The following MIDEAS variants were observed in gnomAD, a reference collection of about 807,000 sequenced individuals.
The protein encoded by MIDEAS is mitotic deacetylase associated SANT domain protein.
Under a neutral mutation model 102.7 loss-of-function variants are expected in MIDEAS, and 26 were observed. The observed-to-expected ratio is 0.25, with a 90% CI of 0.19 to 0.35. The LOEUF (loss-of-function observed/expected upper bound fraction) is 0.35. Among genes scored for constraint, MIDEAS ranks in the 10% least tolerant of loss-of-function variants. MIDEAS has a pLI of 1.00. For missense variants in MIDEAS, 1,231 were observed against 1,435.6 expected (o/e 0.86, Z 2.30); for synonymous variants, 585 against 591.0 (o/e 0.99, Z 0.15).
intron 10 of MIDEAS, 156 bp downstream of exon 10, chr14:73,722,542 C>G (rs964342952): frequency 4.2e-5 from 32 of 753,966 alleles, no homozygotes; most frequent in Non-Finnish European, 6.6e-5. Flanking sequence ...GAGAGGAGAA[C>G]CCAGCGGTCC....
At chr14:73,764,949 C>T (rs370815954), upstream of MIDEAS, among the ~76,000 whole-genome samples, 7 of 152,220 alleles carry the variant, frequency 4.6e-5, no homozygotes, top group Non-Finnish European at 5.9e-5. Context: ...CTGGGAGAGA[C>T]GTCTGGCCGG....
chr14:73,718,150 T>TCCCCCAACG lies in MIDEAS; in HGVS notation c.*684_*692dup, dbSNP rs2052921736. On this transcript the variant is annotated 3_prime_UTR_variant, in exon 13 of 13. Coordinates refer to ENST00000423556, the MANE Select transcript of MIDEAS (RefSeq NM_001367710.1). ...TGCTTTGGACAAGAACGCTAGCCCC[T>TCCCCCAACG]CCCCCAACGCTGAGAAAACTTTCTA... is the stretch of plus-strand genomic sequence containing the variant. The TCCCCCAACG allele has an allele frequency of 6.6e-6, 1 of 152,234 alleles. No individual in the cohort carries two copies. Among genetic ancestry groups the TCCCCCAACG allele is most frequent in the Non-Finnish European group, 1.5e-5 (1 of 68,248 alleles). 9.4% of individuals were successfully genotyped at this position (152,234 alleles called of 1,614,324 possible).
In MIDEAS at chr14:73,742,527, CAG is replaced by C. The variant is rs2053295683; in HGVS notation, c.-247-2274_-247-2273del. ...AGGGGCTTACCCACAGCTGTATGGTCAGCCCTGGAGGAGCTGAGCTCAGCTGG... is the reference window on the plus strand; with the variant it reads ...AGGGGCTTACCCACAGCTGTATGGTCCCCTGGAGGAGCTGAGCTCAGCTGG... On this transcript the variant is annotated intron_variant, in intron 1 of 12. Transcript: ENST00000423556. This position sits in a 1 kb window ranked among gnomAD's most constrained non-coding sequence, Gnocchi z 4.4. Among the ~76,000 whole-genome samples the C allele has an allele frequency of 6.6e-6, 1 of 152,236 alleles. No individual in the cohort carries two copies. The highest frequency in any genetic ancestry group is 2.4e-5 in the African/African-American group (1 of 41,466).
At chr14:73,730,730 G>GA (rs2053127802) in intron 3 of MIDEAS, among the ~76,000 whole-genome samples, 1 of 151,554 alleles carries the variant, frequency 6.6e-6, no homozygotes, top group Non-Finnish European at 1.5e-5. Flanking sequence ...AGGTGGGGGG[G>GA]AGGGGATCAC....
At chr14:73,763,617 G>A (rs1036755155), upstream of MIDEAS, among the ~76,000 whole-genome samples, 2 of 152,154 alleles carry the variant, frequency 1.3e-5, no homozygotes, top group Non-Finnish European at 2.9e-5. Context: ...ACCAGAGCCT[G>A]GGGAACTGGG....
intron 11 of MIDEAS, 21 bp from the exon 12 acceptor site, chr14:73,719,522 A>G: frequency 1.9e-6 from 3 of 1,609,492 alleles, no homozygotes; most frequent in Non-Finnish European, 2.5e-6. Flanking sequence ...TCAAACAAGG[A>G]GAGTTGAGTG....
At position 73,759,680 on chromosome 14, in the gene MIDEAS, C is replaced by G. The variant is rs927424311; in HGVS notation, c.-248+83G>C. On this transcript the variant is annotated intron_variant, in intron 1 of 12. Coordinates refer to ENST00000423556, the MANE Select transcript of MIDEAS (RefSeq NM_001367710.1). This position sits in a 1 kb window ranked among gnomAD's most constrained non-coding sequence, Gnocchi z 6.7. ...GAGCTGCAACCCGCCGTGCGAGCAG[C>G]CACAGCTCGCGCGCCGCCTGGGGTC... The G allele has an allele frequency of 2.1e-4, 31 of 150,960 alleles. No individual in the cohort carries two copies. The highest frequency in any genetic ancestry group is 7.5e-4 in the African/African-American group (31 of 41,262). The allele number at this position is 150,960 out of a possible 1,614,324, so 9.4% of individuals were successfully genotyped here. A position where few individuals can be genotyped will look rare whatever the true frequency, so the allele number is the denominator to read the frequency against.
intron 1 of MIDEAS, among the ~76,000 whole-genome samples, chr14:73,752,647 G>A (rs17091106): frequency 0.029 from 4,442 of 152,202 alleles, 91 homozygotes; most frequent in African/African-American, 0.06. Context: ...CTGCAAACTG[G>A]GCACAGACAG....
intron 1 of MIDEAS, among the ~76,000 whole-genome samples, chr14:73,750,389 G>A (rs1180013167): frequency 6.6e-6 from 1 of 152,166 alleles, no homozygotes; most frequent in Non-Finnish European, 1.5e-5. Context: ...TCTTCCCTGG[G>A]GGCATTTCCA....
In MIDEAS at chr14:73,739,070, G is replaced by A. The variant is rs759620057; in HGVS notation, c.939C>T (p.Pro313=). 3.8e-6 allele frequency: 6 copies of A among 1,573,524 alleles called. No homozygotes were observed. The highest frequency in any genetic ancestry group is 5.2e-6 in the Non-Finnish European group (6 of 1,156,888). Residue 313 remains proline, a synonymous_variant, in exon 2 of 13, where the codon CCC becomes CCT. Coordinates refer to ENST00000423556, the MANE Select transcript of MIDEAS (RefSeq NM_001367710.1). The part of the protein sequence containing the change: ...HHSMAPYPFP[P]NPDMNPELRK... ...GCAGTTCTGGGTTCATATCTGGGTT[G>A]GGGGGGAAGGGGTAGGGTGCCATGC... is the stretch of plus-strand genomic sequence containing the variant.
chr14:73,754,241 C>A (rs2053454924), intron 1 of MIDEAS, among the ~76,000 whole-genome samples: 1 of 152,266 alleles, frequency 6.6e-6, no homozygotes, highest in African/African-American at 2.4e-5. Flanking sequence ...AACTAGCAGC[C>A]ACCATGCAGA....
At chr14:73,752,281 C>A in intron 1 of MIDEAS, among the ~76,000 whole-genome samples, 1 of 152,142 alleles carries the variant, frequency 6.6e-6, no homozygotes, top group Non-Finnish European at 1.5e-5. Context: ...ACTACCTGAG[C>A]AGAGCTATAG....
At chr14:73,738,157 G>C (rs552897601) in intron 2 of MIDEAS, among the ~76,000 whole-genome samples, 3 of 152,000 alleles carry the variant, frequency 2.0e-5, no homozygotes, top group Admixed American at 6.5e-5. Context: ...TAGCACTTTG[G>C]GGGGCTGAGG....
At chr14:73,752,787 G>C (rs1255640538) in intron 1 of MIDEAS, among the ~76,000 whole-genome samples, 3 of 152,154 alleles carry the variant, frequency 2.0e-5, no homozygotes, top group Non-Finnish European at 4.4e-5. Flanking sequence ...GCTGCTGCAG[G>C]GCCTTTTCTC....
rs1184874036 is a variant in MIDEAS at position 73,759,608 on chromosome 14, T to C, written c.-248+155A>G. Among the ~76,000 whole-genome samples the C allele has an allele frequency of 6.7e-6, 1 of 149,004 alleles. No individual in the cohort carries two copies. The highest frequency in any genetic ancestry group is 1.5e-5 in the Non-Finnish European group (1 of 66,888). ...TCCACCGCCGCCCAGGCCGCAGAAG[T>C]TCGAGCGCAGCGGCCCCCGCGGCCC... On this transcript the variant is annotated intron_variant, in intron 1 of 12. Transcript: ENST00000423556. This position sits in a 1 kb window ranked among gnomAD's most constrained non-coding sequence, Gnocchi z 6.7.
At position 73,719,370 on chromosome 14, in the gene MIDEAS, TTTC is replaced by T. The variant is rs866936670; in HGVS notation, c.3066_3068del (p.Lys1024del). The T allele has an allele frequency of 1.7e-5, 28 of 1,614,066 alleles. No homozygotes were observed. The highest frequency in any genetic ancestry group is 3.3e-5 in the South Asian group (3 of 91,042). ...GGGTCTTACTGAATGTCTCTGTTTT[TTTC>T]TTCTTCTCTGAAAAAGGTAGTGCCC... On this transcript the variant is annotated inframe_deletion, in exon 12 of 13. Coordinates refer to ENST00000423556, the MANE Select transcript of MIDEAS (RefSeq NM_001367710.1).
chr14:73,744,694 CCT>C (rs3076689), intron 1 of MIDEAS, among the ~76,000 whole-genome samples: 14,725 of 152,114 alleles, frequency 0.097, 956 homozygotes, highest in African/African-American at 0.19. Flanking sequence ...GCTCCTGCCA[CCT>C]CTCTCGACAG....
rs1427929590 is a variant in MIDEAS, at chr14:73,779,380, GCACGAT to G, written c.-248+7716_-248+7721del. ...ACTGCACTCCAGCCTGGACGACAGA[GCACGAT>G]TCCATCTCAAAAAAAAAAAAAAAAA... On this transcript the variant is annotated intron_variant, in intron 1 of 11. Transcript: ENST00000394071. Among the ~76,000 whole-genome samples the G allele has an allele frequency of 4.0e-3, 492 of 122,816 alleles. 5 individuals carry two copies. Among genetic ancestry groups the G allele is most frequent in the Middle Eastern group, 6.5e-3 (1 of 154 alleles). 80.6% of individuals were successfully genotyped at this position (122,816 alleles called of 152,430 possible).
chr14:73,762,188 TA>T (rs59627333), upstream of MIDEAS, among the ~76,000 whole-genome samples: 2,125 of 152,162 alleles, frequency 0.014, 46 homozygotes, highest in African/African-American at 0.049. Flanking sequence ...AGTGAGCCCC[TA>T]AGAGCTTGTG....
Sources: gnomAD v4.1 joint callset for allele counts (sites outside exome capture counted in the v4.1 genomes callset) on GRCh38, gnomAD v4.1.1 for gene constraint, Gnocchi (gnomAD v3.1) non-coding constraint, MANE v1.5 for transcripts, NCBI Gene and HGNC (gene_info 2026-07-23, HGNC 2026-07-21) for gene names.